The following DLG2 variants were observed in gnomAD, a reference collection of about 807,000 sequenced individuals.
The protein encoded by DLG2 is disks large homolog 2.
Under a neutral mutation model 132.5 loss-of-function variants are expected in DLG2, and 45 were observed. The ratio of observed to expected loss-of-function variants is 0.34; its 90% CI spans 0.27 to 0.44. The LOEUF (loss-of-function observed/expected upper bound fraction) is 0.44, where lower values mean the gene tolerates loss of function less well. DLG2 is among the 20% of genes least tolerant of loss of function. The pLI is 1.00. For missense variants in DLG2, 1,045 were observed against 1,196.9 expected, an observed-to-expected ratio of 0.87 and a Z score of 1.87; for synonymous variants, 424 against 419.6, an observed-to-expected ratio of 1.01 and a Z score of -0.13.
chr11:84,126,402 G>C (rs1031914814), intron 9 of DLG2, among the ~76,000 whole-genome samples: 3 of 152,114 alleles, frequency 2.0e-5, no homozygotes, highest in African/African-American at 4.8e-5. Flanking sequence ...CTCAAGGAGA[G>C]GCTGGCCTTT....
At chr11:84,909,385 A>C (rs566181309) in intron 6 of DLG2, among the ~76,000 whole-genome samples, 4 of 152,288 alleles carry the variant, frequency 2.6e-5, no homozygotes, top group African/African-American at 9.6e-5. Context: ...GTGTGTATAG[A>C]AAGACTAGCT....
intron 6 of DLG2, among the ~76,000 whole-genome samples, chr11:84,550,129 CACACACACACACACACACACAT>C (rs991704426): frequency 2.6e-5 from 4 of 151,692 alleles, no homozygotes; most frequent in African/African-American, 9.7e-5. Flanking sequence ...CACACACACA[CACACACACACACACACACACAT>C]ACACACACAT....
At chr11:84,444,536 C>T (rs924975266) in intron 7 of DLG2, among the ~76,000 whole-genome samples, 9 of 151,882 alleles carry the variant, frequency 5.9e-5, no homozygotes, top group African/African-American at 1.2e-4. Context: ...TAATGCTTTT[C>T]CTTTTCCTTA....
intron 17 of DLG2, among the ~76,000 whole-genome samples, chr11:83,819,919 T>G (rs1455540637): frequency 1.3e-5 from 2 of 151,784 alleles, no homozygotes; most frequent in Non-Finnish European, 2.9e-5. Context: ...TGGTTTCTTA[T>G]GTTTAAATAC....
chr11:84,951,832 T>A (rs1448539913), intron 6 of DLG2, among the ~76,000 whole-genome samples: 1 of 152,022 alleles, frequency 6.6e-6, no homozygotes, highest in Non-Finnish European at 1.5e-5. Context: ...ATGCAGATCA[T>A]TCTGAAATAT....
At chr11:85,433,791 T>A (rs1375679854) in intron 3 of DLG2, among the ~76,000 whole-genome samples, 1 of 152,160 alleles carries the variant, frequency 6.6e-6, no homozygotes, top group Non-Finnish European at 1.5e-5. Context: ...TGTTCAGGAC[T>A]TGAACTCAGC....
At chr11:84,084,849 C>T (rs1363758051) in intron 10 of DLG2, among the ~76,000 whole-genome samples, 4 of 152,154 alleles carry the variant, frequency 2.6e-5, no homozygotes, top group South Asian at 2.1e-4. Context: ...ATCAAGAATG[C>T]CCCCTTACTC....
intron 3 of DLG2, among the ~76,000 whole-genome samples, chr11:85,479,794 G>T (rs1241494430): frequency 2.6e-5 from 4 of 152,190 alleles, no homozygotes; most frequent in Non-Finnish European, 5.9e-5. Flanking sequence ...CCTGAGAGTT[G>T]TGAGGAAAGG....
intron 6 of DLG2, among the ~76,000 whole-genome samples, chr11:84,579,931 C>T (rs2099512487): frequency 1.3e-5 from 2 of 152,058 alleles, no homozygotes; most frequent in African/African-American, 4.8e-5. Flanking sequence ...GGGATAACTC[C>T]CAAACTTCTG....
At position 83,469,477 on chromosome 11, in the gene DLG2, T is replaced by A. The variant is rs1293892376; in HGVS notation, c.2447-104A>T. 3.2e-5 allele frequency: 28 copies of A among 884,202 alleles called. No homozygotes were observed. The South Asian group carries it at 5.0e-4, about 16-fold the overall frequency. The allele number at this position is 884,202 out of a possible 1,614,324, so 54.8% of individuals were successfully genotyped here. A position where few individuals can be genotyped will look rare whatever the true frequency, so the allele number is the denominator to read the frequency against. ...TCCTCAACATTGATATGTAGAAATATGTAGTATGAAGAAATATGACATAGT... is the reference window on the plus strand; with the variant it reads ...TCCTCAACATTGATATGTAGAAATAAGTAGTATGAAGAAATATGACATAGT... On this transcript the variant is annotated intron_variant, in intron 24 of 27. Coordinates refer to ENST00000376104, the MANE Select transcript of DLG2 (RefSeq NM_001142699.3).
At chr11:85,353,846 G>A (rs1265569535) in intron 3 of DLG2, among the ~76,000 whole-genome samples, 3 of 152,028 alleles carry the variant, frequency 2.0e-5, no homozygotes, top group Admixed American at 2.0e-4. Context: ...CATGGGGTGG[G>A]AGGAAGGGGG....
At position 85,174,789 on chromosome 11, in the gene DLG2, G is replaced by A. The variant is rs148457918; in HGVS notation, c.187-20138C>T. ...CAGAAATGATAAGGGGGATATCACC[G>A]CTGACCCCATAGAAATACAAACAAC... On this transcript the variant is annotated intron_variant, in intron 4 of 27. Transcript: ENST00000376104. 1.7e-3 allele frequency among the ~76,000 whole-genome samples: 257 copies of A among 152,074 alleles called. 5 individuals carry two copies. Among genetic ancestry groups the A allele is most frequent in the Admixed American group, 0.015 (224 of 15,250 alleles).
At chr11:83,665,402 A>G (rs1458778185) in intron 18 of DLG2, among the ~76,000 whole-genome samples, 4 of 152,234 alleles carry the variant, frequency 2.6e-5, no homozygotes, top group African/African-American at 7.2e-5. Flanking sequence ...ACGTTATGCT[A>G]TAAGAGTTAA....
At chr11:83,639,809 A>G (rs2065942953) in intron 18 of DLG2, among the ~76,000 whole-genome samples, 1 of 151,172 alleles carries the variant, frequency 6.6e-6, no homozygotes, top group Non-Finnish European at 1.5e-5. Flanking sequence ...AAGGAACTCT[A>G]TGTTAGAAGG....
intron 7 of DLG2, among the ~76,000 whole-genome samples, chr11:84,341,545 G>A (rs931376259): frequency 6.6e-6 from 1 of 152,104 alleles, no homozygotes; most frequent in African/African-American, 2.4e-5. Context: ...AATTATTCTA[G>A]AGATATACCC....
chr11:84,922,357 T>G (rs185144184), intron 6 of DLG2, among the ~76,000 whole-genome samples: 18 of 152,292 alleles, frequency 1.2e-4, no homozygotes, highest in African/African-American at 3.8e-4. Flanking sequence ...TCTGGCCGGC[T>G]CAGTGCTGAA....
At chr11:84,835,458 A>G (rs941024009) in intron 6 of DLG2, among the ~76,000 whole-genome samples, 3 of 151,710 alleles carry the variant, frequency 2.0e-5, no homozygotes, top group Non-Finnish European at 4.4e-5. Context: ...GAAAAATTGG[A>G]GATCAATTTA....
At chr11:84,259,289 GGT>G (rs1329721175) in intron 7 of DLG2, among the ~76,000 whole-genome samples, 1 of 86,984 alleles carries the variant, frequency 1.1e-5, no homozygotes, top group African/African-American at 4.7e-5. Context: ...AAGGTTCTTA[GGT>G]TATTATACTT....
rs573863129 is a variant in DLG2, at chr11:84,050,607, G to A, written c.919+8708C>T. ...AAGTCCTTGCCCATGCCTATGTCCT[G>A]AATGGTATTGCCTAGGTTTTCTTCT... On this transcript the variant is annotated intron_variant, in intron 11 of 27. Coordinates refer to ENST00000376104, the MANE Select transcript of DLG2 (RefSeq NM_001142699.3). Among the ~76,000 whole-genome samples, 309 of 152,118 alleles carry A rather than the reference G, an allele frequency of 2.0e-3. 21 individuals carry two copies. In the South Asian group the frequency reaches 0.061, roughly 30 times the overall value.
Sources: gnomAD v4.1 joint callset for allele counts (sites outside exome capture counted in the v4.1 genomes callset) on GRCh38, gnomAD v4.1.1 for gene constraint, MANE v1.5 for transcripts, NCBI Gene and HGNC (gene_info 2026-07-23, HGNC 2026-07-21) for gene names.